The following PYROXD2 variants were observed in gnomAD, a reference collection of about 807,000 sequenced individuals.
PYROXD2 encodes pyridine nucleotide-disulfide oxidoreductase domain-containing protein 2.
A neutral mutation model predicts 71.1 loss-of-function variants in PYROXD2; 69 were observed. The ratio of observed to expected loss-of-function variants is 0.97; its 90% confidence interval spans 0.80 to 1.19. PYROXD2 has a LOEUF of 1.19. Ranked by LOEUF, PYROXD2 falls within the 50% of genes most tolerant of loss-of-function variation. PYROXD2 has a pLI of 0.00. For synonymous variants in PYROXD2, 287 were observed against 302.7 expected (o/e 0.95, Z 0.54); for missense variants, 745 against 748.9 (o/e 0.99, Z 0.06).
chr10:98,397,234 C>T (rs979472412), intron 6 of PYROXD2, 111 bp downstream of exon 6: 4 of 1,411,882 alleles, frequency 2.8e-6, no homozygotes, highest in South Asian at 1.5e-5. Flanking sequence ...GTTAACTGAT[C>T]CCAGCTGGCA....
At chr10:98,388,937 C>G (rs1020306369) in intron 12 of PYROXD2, among the ~76,000 whole-genome samples, 2 of 152,146 alleles carry the variant, frequency 1.3e-5, no homozygotes, top group African/African-American at 4.8e-5. Flanking sequence ...GCTGCTAGGG[C>G]TGCCCCGAGC....
At chr10:98,401,390 G>A (rs1013457236) in intron 4 of PYROXD2, among the ~76,000 whole-genome samples, 1 of 152,112 alleles carries the variant, frequency 6.6e-6, no homozygotes, top group African/African-American at 2.4e-5. Flanking sequence ...CTGGGCGAGT[G>A]AGTGGTGAGT....
chr10:98,412,949 C>T lies in PYROXD2; in HGVS notation c.128-1991G>A, dbSNP rs1458717571. Among the ~76,000 whole-genome samples, 4 of 152,088 alleles carry T rather than the reference C, an allele frequency of 2.6e-5. No individual in the cohort carries two copies. The East Asian group carries it at 7.7e-4, about 29-fold the overall frequency. ...CCACCAGCCCGGGGAGTTTGTGAGC[C>T]GGCTGTCAAACAGCCATTGATATAA... On this transcript the variant is annotated intron_variant, in intron 1 of 15. Coordinates refer to ENST00000370575, the MANE Select transcript of PYROXD2 (RefSeq NM_032709.3).
At chr10:98,387,718 C>T (rs546783668) in intron 13 of PYROXD2, 15 of 167,062 alleles carry the variant, frequency 9.0e-5, no homozygotes, top group Admixed American at 2.4e-4. Flanking sequence ...CTGCAACCTC[C>T]GCCTCTGGGT....
At chr10:98,413,276 T>TTCCCTTGTGC (rs1359143732) in intron 1 of PYROXD2, among the ~76,000 whole-genome samples, 2 of 152,224 alleles carry the variant, frequency 1.3e-5, no homozygotes, top group Non-Finnish European at 2.9e-5. Context: ...GTGGTCAGGC[T>TTCCCTTGTGC]TAAGAAAGTG....
chr10:98,395,198 A>G lies in PYROXD2; in HGVS notation c.783T>C (p.Ser261=). 1 of 1,613,130 alleles carries G rather than the reference A, an allele frequency of 6.2e-7. No individual in the cohort carries two copies. The highest frequency in any genetic ancestry group is 8.5e-7 in the Non-Finnish European group (1 of 1,179,458). ...GAMTSPHTPG[S]GYVLLHHVMG... is the part of the protein sequence containing the mutation. Reference sequence around the variant, plus strand: ...CCCACCTCACCCCCCTCACTCACCCACTCCCCGGAGTGTGGGGACTTGTCA... The same window carrying G: ...CCCACCTCACCCCCCTCACTCACCCGCTCCCCGGAGTGTGGGGACTTGTCA... The change falls in exon 8 of 16, where the codon AGT becomes AGC. Residue 261 remains serine, a splice_region_variant and synonymous_variant. Coordinates refer to ENST00000370575, the MANE Select transcript of PYROXD2 (RefSeq NM_032709.3).
In PYROXD2 at chr10:98,392,452, A is replaced by G. The variant is rs533434690; in HGVS notation, c.1042T>C (p.Phe348Leu). The part of the protein sequence containing the change: ...VLSNTSPQIT[F>L]LKLTPQEWLP... ...CTCACCTGTGGCGTCAGCTTCAGGA[A>G]GGTGATCTGCGGTGATGTGTTGGAC... The change falls in exon 10 of 16, where the codon TTC (phenylalanine) becomes CTC (leucine). Residue 348 changes from phenylalanine to leucine, a missense_variant. By Grantham distance (22) the Phe-to-Leu change is conservative. Coordinates refer to ENST00000370575, the MANE Select transcript of PYROXD2 (RefSeq NM_032709.3). The G allele has an allele frequency of 4.0e-5, 64 of 1,613,834 alleles. No homozygotes were observed. In the East Asian group the frequency reaches 6.9e-4, roughly 17 times the overall value.
In PYROXD2 at chr10:98,387,291, C is replaced by G; in HGVS notation, c.1464G>C (p.Glu488Asp). ...AYADRVFDCI[E>D]VYAPGFKDSV... ...AGTCCTTGAAGCCAGGGGCATAGAC[C>G]TCGATGCAATCAAACACTGGGGTGC... The change falls in exon 14 of 16, where the codon GAG becomes GAC. Residue 488 changes from glutamate to aspartate, a missense_variant. By Grantham distance (45) the Glu-to-Asp change is conservative (BLOSUM62 2). Coordinates refer to ENST00000370575, the MANE Select transcript of PYROXD2 (RefSeq NM_032709.3). 3 of 1,613,864 alleles carry G rather than the reference C, an allele frequency of 1.9e-6. No homozygotes were observed. The South Asian group carries it at 3.3e-5, about 18-fold the overall frequency.
intron 6 of PYROXD2, 32 bp downstream of exon 6, chr10:98,397,313 C>G (rs1843222145): frequency 6.5e-7 from 1 of 1,548,518 alleles, no homozygotes. Context: ...GAAGGTCACT[C>G]ATCATGCCCT....
At chr10:98,399,198 T>C (rs1590957832) in intron 5 of PYROXD2, among the ~76,000 whole-genome samples, 2 of 152,314 alleles carry the variant, frequency 1.3e-5, no homozygotes, top group Non-Finnish European at 2.9e-5. Context: ...GTGATTCTGA[T>C]CATCAGCCAG....
chr10:98,395,152 G>T, intron 8 of PYROXD2, 44 bp downstream of exon 8: 1 of 1,530,158 alleles, frequency 6.5e-7, no homozygotes. Context: ...TCCTGTTGGG[G>T]AACATGCCCC....
Position 98,401,273 on chromosome 10 carries a change from A to AAAAAAAAAAAAC in PYROXD2, c.316-1017_316-1016insGTTTTTTTTTTT, listed in dbSNP as rs149519972. Among the ~76,000 whole-genome samples the AAAAAAAAAAAAC allele has an allele frequency of 3.7e-4, 45 of 121,678 alleles. 3 individuals carry two copies. Among genetic ancestry groups the AAAAAAAAAAAAC allele is most frequent in the African/African-American group, 1.4e-3 (38 of 27,392 alleles). 79.8% of individuals were successfully genotyped at this position (121,678 alleles called of 152,430 possible). ...TGTCTCAAAAAAAAAAAAACAAAAA[A>AAAAAAAAAAAAC]AAACAAACATAGAAAAGGTACATTA... On this transcript the variant is annotated intron_variant, in intron 4 of 15. Coordinates refer to ENST00000370575, the MANE Select transcript of PYROXD2 (RefSeq NM_032709.3).
At chr10:98,391,712 C>A (rs1024571599) in intron 10 of PYROXD2, among the ~76,000 whole-genome samples, 8 of 152,328 alleles carry the variant, frequency 5.3e-5, no homozygotes, top group Admixed American at 4.6e-4. Flanking sequence ...GAGATCAAAC[C>A]ATGTGATGCT....
rs1290802023 is a variant in PYROXD2 at position 98,395,397 on chromosome 10, A to C, written c.681T>G (p.Ile227Met). Residue 227 changes from isoleucine to methionine, a missense_variant, in exon 7 of 16, where the codon ATT becomes ATG. Coordinates refer to ENST00000370575, the MANE Select transcript of PYROXD2 (RefSeq NM_032709.3). ...PRYYEVLTAP[I>M]TKVLDQWFES... is the part of the protein sequence containing the mutation. The stretch of plus-strand genomic sequence containing the variant: ...AGGCTGGGGAACCACTCACCTTGGT[A>C]ATGGGAGCTGTGAGGACCTCATAAT... 3 of 1,614,104 alleles carry C rather than the reference A, an allele frequency of 1.9e-6. No individual in the cohort carries two copies. In the East Asian group the frequency reaches 6.7e-5, roughly 36 times the overall value.
At position 98,400,139 on chromosome 10, in the gene PYROXD2, T is replaced by C. The variant is rs1843342725; in HGVS notation, c.434A>G (p.Gln145Arg). 1 of 1,614,012 alleles carries C rather than the reference T, an allele frequency of 6.2e-7. No homozygotes were observed. Among genetic ancestry groups the C allele is most frequent in the Non-Finnish European group, 8.5e-7 (1 of 1,179,934 alleles). Residue 145 changes from glutamine (Q) to arginine (R), a missense_variant, in exon 5 of 16, where the codon CAG (glutamine) becomes CGG (arginine). By Grantham distance (43) the Gln-to-Arg change is conservative. Coordinates refer to ENST00000370575, the MANE Select transcript of PYROXD2 (RefSeq NM_032709.3). Reference sequence around the variant, plus strand: ...CTGGGAGAACTGGGCGATCTGCTTCTGGTTTTCTGCCATGTCTGTGCCCAG... The same window carrying C: ...CTGGGAGAACTGGGCGATCTGCTTCCGGTTTTCTGCCATGTCTGTGCCCAG... ...LLLGTDMAENQKQIAQFSQKD... is the reference protein window; with the variant it reads ...LLLGTDMAENRKQIAQFSQKD...
At chr10:98,403,323 C>G (rs1051907967) in intron 4 of PYROXD2, among the ~76,000 whole-genome samples, 1 of 152,218 alleles carries the variant, frequency 6.6e-6, no homozygotes, top group Non-Finnish European at 1.5e-5. Flanking sequence ...GTGCGCGTCT[C>G]TCCAAGCCGC....
chr10:98,385,648 AGT>A (rs1160208341), intron 14 of PYROXD2, among the ~76,000 whole-genome samples: 2 of 152,202 alleles, frequency 1.3e-5, no homozygotes, highest in African/African-American at 4.8e-5. Flanking sequence ...TCCTCACAGG[AGT>A]GCTCCCCCAC....
intron 2 of PYROXD2, among the ~76,000 whole-genome samples, chr10:98,409,352 C>T (rs898209873): frequency 1.3e-5 from 2 of 152,212 alleles, no homozygotes; most frequent in Admixed American, 1.3e-4. Flanking sequence ...GCTGTCCCTC[C>T]TTCCTGACAG....
intron 11 of PYROXD2, 54 bp from the exon 12 acceptor site, chr10:98,390,808 C>G: frequency 1.3e-6 from 2 of 1,532,824 alleles, no homozygotes; most frequent in Non-Finnish European, 8.8e-7. Flanking sequence ...CCTCCCTCTA[C>G]AGCCAGCACC....
Sources: gnomAD v4.1 joint callset for allele counts (sites outside exome capture counted in the v4.1 genomes callset) on GRCh38, gnomAD v4.1.1 for gene constraint, MANE v1.5 for transcripts, NCBI Gene and HGNC (gene_info 2026-07-23, HGNC 2026-07-21) for gene names.